TXNDC8: variants seen among roughly 807,000 people sequenced by gnomAD.
TXNDC8 encodes thioredoxin domain containing 8, also known as thioredoxin domain-containing protein 8.
In TXNDC8, 15 loss-of-function variants were observed where a neutral mutation model predicts 12.9. That is an observed-to-expected ratio of 1.16 (90% CI 0.78 to 1.79). The LOEUF is 1.79. Among genes scored for constraint, TXNDC8 ranks in the 40% most tolerant of loss-of-function variants. The pLI, the probability that TXNDC8 is intolerant of heterozygous loss-of-function variation, is 0.00. For synonymous variants in TXNDC8, 40 were observed against 35.4 expected, an observed-to-expected ratio of 1.13 and a Z score of -0.46; for missense variants, 128 against 113.2, an observed-to-expected ratio of 1.13 and a Z score of -0.59.
intron 3 of TXNDC8, among the ~76,000 whole-genome samples, chr9:110,304,863 G>A (rs1838368333): frequency 6.6e-6 from 1 of 152,146 alleles, no homozygotes; most frequent in African/African-American, 2.4e-5. Context: ...TTTAAAGATG[G>A]ATGGCCGGGT....
At chr9:110,318,007 C>T (rs186967127) in intron 3 of TXNDC8, among the ~76,000 whole-genome samples, 1 of 152,322 alleles carries the variant, frequency 6.6e-6, no homozygotes, top group East Asian at 1.9e-4. Flanking sequence ...TGATGATATG[C>T]CCCTGGTTTT....
chr9:110,332,440 C>T (rs533870071), intron 2 of TXNDC8, among the ~76,000 whole-genome samples: 1 of 152,120 alleles, frequency 6.6e-6, no homozygotes, highest in Non-Finnish European at 1.5e-5. Context: ...AATATAAGTT[C>T]ATTTTGAATT....
At chr9:110,323,131 A>G in intron 3 of TXNDC8, 9 of 985,350 alleles carry the variant, frequency 9.1e-6, no homozygotes, top group Non-Finnish European at 1.1e-5. Flanking sequence ...AAATCTGGAG[A>G]ACAGAGATAT....
At position 110,312,333 on chromosome 9, in the gene TXNDC8, G is replaced by A. The variant is rs575122731; in HGVS notation, c.196-7801C>T. 5.3e-5 allele frequency among the ~76,000 whole-genome samples: 8 copies of A among 152,328 alleles called. No homozygotes were observed. The South Asian group carries it at 1.4e-3, about 28-fold the overall frequency. The stretch of plus-strand genomic sequence containing the variant: ...TCATTTGTAACAGGACACAATTGGA[G>A]AAACCGGTTATTTTACCAAAGCTTT... On this transcript the variant is annotated intron_variant, in intron 3 of 4. Transcript: ENST00000423740.
chr9:110,303,266 G>A (rs565924575), downstream of TXNDC8, among the ~76,000 whole-genome samples: 13 of 152,300 alleles, frequency 8.5e-5, no homozygotes, highest in African/African-American at 3.1e-4. Flanking sequence ...CTCTTGTGAA[G>A]GTCATAAAAA....
chr9:110,322,751 C>T, intron 3 of TXNDC8: 1 of 985,416 alleles, frequency 1.0e-6, no homozygotes, highest in Non-Finnish European at 1.2e-6. Flanking sequence ...AGGTTGGTAC[C>T]AGGACAGAAT....
chr9:110,332,493 G>A (rs1182667256), intron 2 of TXNDC8, among the ~76,000 whole-genome samples: 1 of 152,196 alleles, frequency 6.6e-6, no homozygotes, highest in Non-Finnish European at 1.5e-5. Flanking sequence ...AACTCAGGCT[G>A]TGACTGAGGC....
intron 3 of TXNDC8, among the ~76,000 whole-genome samples, chr9:110,312,061 TA>T (rs796754350): frequency 3.3e-5 from 5 of 150,404 alleles, no homozygotes; most frequent in Admixed American, 2.7e-4. Context: ...TGGACTGAAC[TA>T]AAAAAAAACC....
At chr9:110,313,120 GGT>G (rs1255014546) in intron 3 of TXNDC8, among the ~76,000 whole-genome samples, 6 of 152,046 alleles carry the variant, frequency 3.9e-5, no homozygotes, top group Admixed American at 2.6e-4. Flanking sequence ...TGGCCAGGCT[GGT>G]CTTGAACTCC....
intron 3 of TXNDC8, among the ~76,000 whole-genome samples, chr9:110,316,181 G>C (rs1305241268): frequency 1.3e-5 from 2 of 151,722 alleles, no homozygotes; most frequent in Non-Finnish European, 2.9e-5. Context: ...CTCCCAAAGT[G>C]CTGAGATTAC....
intron 1 of TXNDC8, among the ~76,000 whole-genome samples, chr9:110,336,925 G>C: frequency 6.6e-6 from 1 of 152,102 alleles, no homozygotes; most frequent in East Asian, 1.9e-4. Context: ...GGTCTTCTGA[G>C]GGAATAAGGC....
intron 3 of TXNDC8, chr9:110,322,634 A>C (rs1189230969): frequency 1.0e-6 from 1 of 985,314 alleles, no homozygotes; most frequent in African/African-American, 1.7e-5. Flanking sequence ...TGTCATCATA[A>C]AATGGAGTAA....
chr9:110,334,674 A>G (rs1175465525), intron 1 of TXNDC8, among the ~76,000 whole-genome samples: 1 of 152,216 alleles, frequency 6.6e-6, no homozygotes, highest in African/African-American at 2.4e-5. Flanking sequence ...TCTATGCACC[A>G]AAAAGGTTGG....
chr9:110,327,768 T>C (rs1416305212), intron 2 of TXNDC8, among the ~76,000 whole-genome samples: 3 of 152,216 alleles, frequency 2.0e-5, no homozygotes, highest in African/African-American at 7.2e-5. Flanking sequence ...TGTGGATTTG[T>C]GGTTGCCTAG....
At chr9:110,326,940 G>GCACA (rs377527245) in intron 2 of TXNDC8, among the ~76,000 whole-genome samples, 12,897 of 142,924 alleles carry the variant, frequency 0.09, 648 homozygotes, top group South Asian at 0.12. Context: ...TGCTACTCAT[G>GCACA]CACACACACA....
At chr9:110,314,891 C>T (rs1838828293) in intron 3 of TXNDC8, among the ~76,000 whole-genome samples, 2 of 152,178 alleles carry the variant, frequency 1.3e-5, no homozygotes, top group Admixed American at 1.3e-4. Flanking sequence ...CAAGGCACTG[C>T]TGCAACCCTA....
At chr9:110,322,328 A>G (rs550031003) in intron 3 of TXNDC8, 1 of 960,064 alleles carries the variant, frequency 1.0e-6, no homozygotes, top group Non-Finnish European at 1.2e-6. Flanking sequence ...AGAATATGGA[A>G]GTGTAATCAT....
intron 3 of TXNDC8, among the ~76,000 whole-genome samples, chr9:110,306,717 AC>A (rs1838483315): frequency 6.6e-6 from 1 of 152,138 alleles, no homozygotes; most frequent in South Asian, 2.1e-4. Context: ...AGAATTCCTG[AC>A]ATATACCCAT....
chr9:110,317,207 T>G (rs1045317649), intron 3 of TXNDC8, among the ~76,000 whole-genome samples: 1 of 152,254 alleles, frequency 6.6e-6, no homozygotes, highest in African/African-American at 2.4e-5. Context: ...TCCCGTTTAC[T>G]GGAAGTGTAG....
Sources: allele counts gnomAD v4.1 joint callset (sites outside exome capture counted in the v4.1 genomes callset), GRCh38; gene constraint gnomAD v4.1.1; transcripts MANE v1.5; gene names NCBI Gene and HGNC (gene_info 2026-07-23, HGNC 2026-07-21).